EXOSC8: variants seen among roughly 807,000 people sequenced by gnomAD.
EXOSC8 encodes the protein exosome component 8.
In EXOSC8, 37 loss-of-function variants were observed where a neutral mutation model predicts 39.9. The observed-to-expected ratio is 0.93, with a 90% CI of 0.71 to 1.22. EXOSC8 has a LOEUF of 1.22. Among genes scored for constraint, EXOSC8 ranks in the 50% most tolerant of loss-of-function variants. The pLI is 0.00. For missense variants in EXOSC8, 313 were observed against 326.6 expected, an observed-to-expected ratio of 0.96 and a Z score of 0.32; for synonymous variants, 93 against 109.5, an observed-to-expected ratio of 0.85 and a Z score of 0.94.
rs555621782 is a variant in EXOSC8, at chr13:37,008,612, G to A, written c.609-117G>A. On this transcript the variant is annotated intron_variant, in intron 9 of 10. Coordinates refer to ENST00000389704, the MANE Select transcript of EXOSC8 (RefSeq NM_181503.3). ...TCTACTAAAAACACAAAAATTAGCT[G>A]GGTGTGATGGCGTGTGCCTGTTAAT... 2.1e-4 allele frequency: 141 copies of A among 661,322 alleles called. 1 individual carries two copies. In the African/African-American group the frequency reaches 2.4e-3, roughly 11 times the overall value. 41.0% of individuals were successfully genotyped at this position (661,322 alleles called of 1,614,324 possible).
intron 3 of EXOSC8, 43 bp downstream of exon 3, chr13:37,002,594 GT>G: frequency 7.5e-7 from 1 of 1,326,842 alleles, no homozygotes. Context: ...ATATTCCCAA[GT>G]TTTAGTCTAT....
In EXOSC8 at chr13:37,000,795, CG is replaced by C. The variant is rs747262694; in HGVS notation, c.-8del. The C allele has an allele frequency of 5.1e-6, 8 of 1,579,672 alleles. No homozygotes were observed. Reference sequence around the variant, plus strand: ...GAGGAGCGGCGCAGGCGCAGACGCGCGGGCGGGAAGATGGCGGCTGGGTTCA... The same window carrying C: ...GAGGAGCGGCGCAGGCGCAGACGCGCGGCGGGAAGATGGCGGCTGGGTTCA... On this transcript the variant is annotated 5_prime_UTR_variant, in exon 1 of 11. Coordinates refer to ENST00000389704, the MANE Select transcript of EXOSC8 (RefSeq NM_181503.3).
At chr13:37,007,399 T>G (rs1294372517) in intron 8 of EXOSC8, among the ~76,000 whole-genome samples, 2 of 152,234 alleles carry the variant, frequency 1.3e-5, no homozygotes, top group Non-Finnish European at 2.9e-5. Flanking sequence ...TATGTGATAT[T>G]GCCAAAAGAA....
chr13:37,009,593 AAAAC>A lies in EXOSC8; in HGVS notation c.*298_*301del, dbSNP rs1016903370. 11 of 1,570,432 alleles carry A rather than the reference AAAAC, an allele frequency of 7.0e-6. No homozygotes were observed. Among genetic ancestry groups the A allele is most frequent in the African/African-American group, 4.1e-5 (3 of 73,972 alleles). ...AATGTAAAATACTGACACATTAAAA[AAAAC>A]AAAAAGTAGAAACTCAATTCTTTTG... On this transcript the variant is annotated 3_prime_UTR_variant, in exon 11 of 11. Coordinates refer to ENST00000389704, the MANE Select transcript of EXOSC8 (RefSeq NM_181503.3).
intron 10 of EXOSC8, 108 bp from the exon 11 acceptor site, chr13:37,009,076 C>CAAATTAA: frequency 1.3e-6 from 1 of 765,764 alleles, no homozygotes; most frequent in Non-Finnish European, 2.2e-6. Context: ...AGACTGTACC[C>CAAATTAA]TGATTTACAT....
In EXOSC8 at chr13:37,006,098, T is replaced by C. The variant is rs370368229; in HGVS notation, c.345-17T>C. ...TTTGGGCTTTTCATTTACTTTGCTC[T>C]TTGTCATTAAATCAAGTTCACAGAT... On this transcript the variant is annotated splice_polypyrimidine_tract_variant and intron_variant, in intron 6 of 10. Coordinates refer to ENST00000389704, the MANE Select transcript of EXOSC8 (RefSeq NM_181503.3). 8.3e-5 allele frequency: 134 copies of C among 1,607,630 alleles called. 1 individual carries two copies. The highest frequency in any genetic ancestry group is 1.1e-4 in the Non-Finnish European group (131 of 1,174,794).
At chr13:37,008,699 T>C in intron 9 of EXOSC8, 30 bp from the exon 10 acceptor site, 2 of 1,386,896 alleles carry the variant, frequency 1.4e-6, no homozygotes, top group Middle Eastern at 1.8e-4. Flanking sequence ...GTTCCATGGA[T>C]TGATAACTTA....
chr13:37,002,187 C>A, intron 1 of EXOSC8, 86 bp from the exon 2 acceptor site: 1 of 985,064 alleles, frequency 1.0e-6, no homozygotes, highest in South Asian at 1.4e-5. Context: ...TATGCTGCAT[C>A]ACCACACTTA....
At chr13:37,004,435 C>A in intron 4 of EXOSC8, 81 bp from the exon 5 acceptor site, 1 of 917,054 alleles carries the variant, frequency 1.1e-6, no homozygotes, top group Non-Finnish European at 1.8e-6. Flanking sequence ...TTTGATAGAG[C>A]CTTCCATAAC....
intron 10 of EXOSC8, 52 bp downstream of exon 10, chr13:37,008,887 G>C (rs2059181051): frequency 1.7e-6 from 2 of 1,211,388 alleles, no homozygotes; most frequent in African/African-American, 3.0e-5. Flanking sequence ...AACTCAGTGT[G>C]AGCCTTAAAT....
chr13:37,006,092 T>G, intron 6 of EXOSC8, 23 bp from the exon 7 acceptor site: 1 of 1,603,984 alleles, frequency 6.2e-7, no homozygotes, highest in Non-Finnish European at 8.5e-7. Context: ...TTCATTTACT[T>G]TGCTCTTTGT....
At chr13:37,007,743 A>G (rs1314758671) in intron 8 of EXOSC8, among the ~76,000 whole-genome samples, 1 of 152,196 alleles carries the variant, frequency 6.6e-6, no homozygotes, top group Non-Finnish European at 1.5e-5. Context: ...TTACTTTGTA[A>G]GAGTATTGAT....
intron 7 of EXOSC8, among the ~76,000 whole-genome samples, chr13:37,006,460 A>G (rs920329406): frequency 1.3e-5 from 2 of 152,118 alleles, no homozygotes; most frequent in Non-Finnish European, 2.9e-5. Context: ...ATAGCAGATT[A>G]TAACATTAAT....
At position 37,003,016 on chromosome 13, in the gene EXOSC8, A is replaced by G. The variant is rs1402143232; in HGVS notation, c.192+9A>G. On this transcript the variant is annotated intron_variant, in intron 4 of 10. Coordinates refer to ENST00000389704, the MANE Select transcript of EXOSC8 (RefSeq NM_181503.3). ...TCTGTGGAGTTAAAGCAGTAAGTCT[A>G]AATATGTCCTATTGAGATTTGAGTT... 17 of 1,503,568 alleles carry G rather than the reference A, an allele frequency of 1.1e-5. No homozygotes were observed. Among genetic ancestry groups the G allele is most frequent in the Non-Finnish European group, 1.9e-6 (2 of 1,079,972 alleles). 93.1% of individuals were successfully genotyped at this position (1,503,568 alleles called of 1,614,324 possible).
In EXOSC8 at chr13:37,000,841, C is replaced by G; in HGVS notation, c.17+19C>G. On this transcript the variant is annotated intron_variant, in intron 1 of 10. Transcript: ENST00000389704. Reference sequence around the variant, plus strand: ...GGTTCAAGTGAGTGTTGGCGGGTGGCGGGTAGAGTTCTGTACCCTGGCGGA... The same window carrying G: ...GGTTCAAGTGAGTGTTGGCGGGTGGGGGGTAGAGTTCTGTACCCTGGCGGA... 1 of 1,559,988 alleles carries G rather than the reference C, an allele frequency of 6.4e-7. No individual in the cohort carries two copies. Among genetic ancestry groups the G allele is most frequent in the Non-Finnish European group, 8.7e-7 (1 of 1,152,692 alleles).
At chr13:37,002,625 T>TC (rs1056273551) in intron 3 of EXOSC8, 74 bp downstream of exon 3, 1 of 1,034,080 alleles carries the variant, frequency 9.7e-7, no homozygotes, top group African/African-American at 1.6e-5. Context: ...AAACAGTTTT[T>TC]CACCCAAATT....
At chr13:37,004,583 T>C (rs748742813) in intron 5 of EXOSC8, 22 bp downstream of exon 5, 15 of 1,509,640 alleles carry the variant, frequency 9.9e-6, no homozygotes, top group Admixed American at 1.7e-5. Context: ...GGTTTTGTAA[T>C]TTTAATACAA....
In EXOSC8 at chr13:37,004,573, G is replaced by A. The variant is rs746375170; in HGVS notation, c.238+12G>A. 6.4e-7 allele frequency: 1 copy of A among 1,570,080 alleles called. No individual in the cohort carries two copies. The highest frequency in any genetic ancestry group is 1.7e-5 in the Admixed American group (1 of 58,820). On this transcript the variant is annotated intron_variant, in intron 5 of 10. Transcript: ENST00000389704. ...TAAAGGATACGTTGGTAAGTTAAATGGTTTTGTAATTTTAATACAAATACT... is the reference window on the plus strand; with the variant it reads ...TAAAGGATACGTTGGTAAGTTAAATAGTTTTGTAATTTTAATACAAATACT...
chr13:37,008,453 C>T (rs964737776), intron 9 of EXOSC8, among the ~76,000 whole-genome samples: 6 of 152,156 alleles, frequency 3.9e-5, no homozygotes, highest in Non-Finnish European at 8.8e-5. Context: ...GATTTTAGCA[C>T]GTTCAGAAAT....
Sources: gnomAD v4.1 joint callset for allele counts (sites outside exome capture counted in the v4.1 genomes callset) on GRCh38, gnomAD v4.1.1 for gene constraint, MANE v1.5 for transcripts, NCBI Gene and HGNC (gene_info 2026-07-23, HGNC 2026-07-21) for gene names.